PCSK5: variants seen among roughly 807,000 people sequenced by gnomAD.
The protein encoded by PCSK5 is prohormone convertase 5.
Under a neutral mutation model 233.2 loss-of-function variants are expected in PCSK5, and 129 were observed. The ratio of observed to expected loss-of-function variants is 0.55; its 90% CI spans 0.48 to 0.64. The LOEUF (loss-of-function observed/expected upper bound fraction) is 0.64, where lower values mean the gene tolerates loss of function less well. Ranked by LOEUF, PCSK5 falls within the 30% of genes least tolerant of loss-of-function variation. The pLI, the probability that PCSK5 is intolerant of heterozygous loss-of-function variation, is 0.00. For synonymous variants in PCSK5, 825 were observed against 879.2 expected (o/e 0.94, Z 1.09); for missense variants, 2,076 against 2,430.1 (o/e 0.85, Z 3.06).
intron 16 of PCSK5, 69 bp downstream of exon 16, chr9:76,181,660 G>A (rs1376391735): frequency 3.9e-6 from 4 of 1,015,694 alleles, no homozygotes; most frequent in Non-Finnish European, 5.9e-6. Flanking sequence ...GACCTCAGGA[G>A]GGATAGCCTC....
In PCSK5 at chr9:76,167,497, T is replaced by C. The variant is rs73458352; in HGVS notation, c.1620-2207T>C. Among the ~76,000 whole-genome samples the C allele has an allele frequency of 5.5e-3, 836 of 152,278 alleles. 9 individuals are homozygous for C. The highest frequency in any genetic ancestry group is 0.019 in the African/African-American group (802 of 41,554). On this transcript the variant is annotated intron_variant, in intron 12 of 37. Transcript: ENST00000674117. ...GGGTTCAGGAACATATAGCAGGTGA[T>C]TTTCCTGTTTATTGCTTTTCTCTAG...
chr9:75,991,707 T>C (rs1826774392), intron 3 of PCSK5, among the ~76,000 whole-genome samples: 1 of 152,122 alleles, frequency 6.6e-6, no homozygotes, highest in South Asian at 2.1e-4. Flanking sequence ...GTAATAGAAT[T>C]GGTTTTAAGG....
chr9:75,981,920 C>A (rs976866186), intron 2 of PCSK5, among the ~76,000 whole-genome samples: 2 of 152,064 alleles, frequency 1.3e-5, no homozygotes, highest in African/African-American at 4.8e-5. Flanking sequence ...GTAACATATT[C>A]CCATGGATCA....
intron 2 of PCSK5, among the ~76,000 whole-genome samples, chr9:75,981,376 G>A (rs1298134663): frequency 3.3e-5 from 5 of 152,148 alleles, no homozygotes; most frequent in Admixed American, 1.3e-4. Flanking sequence ...TAGGTGACTG[G>A]TAGCTAATCT....
chr9:76,263,204 G>C (rs925851344), intron 24 of PCSK5, among the ~76,000 whole-genome samples: 1 of 152,154 alleles, frequency 6.6e-6, no homozygotes, highest in African/African-American at 2.4e-5. Context: ...TTCAACCATT[G>C]TGGAAGTCAG....
intron 10 of PCSK5, among the ~76,000 whole-genome samples, chr9:76,146,087 G>T (rs765268193): frequency 6.6e-6 from 1 of 150,736 alleles, no homozygotes; most frequent in Non-Finnish European, 1.5e-5. Context: ...CTCACATCTT[G>T]CTAGCCTTTG....
At chr9:76,224,372 G>C (rs1259320514) in intron 20 of PCSK5, among the ~76,000 whole-genome samples, 1 of 151,844 alleles carries the variant, frequency 6.6e-6, no homozygotes, top group Non-Finnish European at 1.5e-5. Flanking sequence ...GGAGACAGAA[G>C]ATAAGTAAAA....
chr9:76,311,112 A>T (rs1404716403), intron 30 of PCSK5, among the ~76,000 whole-genome samples: 1 of 152,200 alleles, frequency 6.6e-6, no homozygotes, highest in Non-Finnish European at 1.5e-5. Context: ...GTGGTGGCTC[A>T]CACCTGTAAT....
At chr9:76,118,215 G>A (rs754000131) in intron 9 of PCSK5, among the ~76,000 whole-genome samples, 2 of 152,102 alleles carry the variant, frequency 1.3e-5, no homozygotes, top group Admixed American at 1.3e-4. Flanking sequence ...CATCTGGCCT[G>A]TAGAGATGCT....
rs548496102 is a variant in PCSK5 at position 76,257,848 on chromosome 9, C to T, written c.3142+17164C>T. Among the ~76,000 whole-genome samples the T allele has an allele frequency of 2.0e-5, 3 of 152,278 alleles. 1 individual carries two copies. The highest frequency in any genetic ancestry group is 4.1e-4 in the South Asian group (2 of 4,826). On this transcript the variant is annotated intron_variant, in intron 24 of 37. Transcript: ENST00000674117. ...CTGGGTCAATCAAAACTTTTTTCCTCGCAGCTGTGCCTGTGACTATCTGTA... is the reference window on the plus strand; with the variant it reads ...CTGGGTCAATCAAAACTTTTTTCCTTGCAGCTGTGCCTGTGACTATCTGTA...
intron 7 of PCSK5, among the ~76,000 whole-genome samples, chr9:76,081,138 A>G (rs1587601228): frequency 6.6e-6 from 1 of 152,152 alleles, no homozygotes; most frequent in African/African-American, 2.4e-5. Context: ...ACCACTTATT[A>G]TATGCTCCTT....
At chr9:76,212,460 G>T (rs1825367071) in intron 20 of PCSK5, among the ~76,000 whole-genome samples, 2 of 152,196 alleles carry the variant, frequency 1.3e-5, no homozygotes, top group Admixed American at 1.3e-4. Flanking sequence ...TGAAAATACT[G>T]CCACTGACAA....
chr9:76,096,419 G>A (rs532504854), intron 8 of PCSK5, among the ~76,000 whole-genome samples: 30 of 152,078 alleles, frequency 2.0e-4, no homozygotes, highest in African/African-American at 7.2e-4. Context: ...TGGAATCTAC[G>A]CCTGACTCAG....
intron 24 of PCSK5, among the ~76,000 whole-genome samples, chr9:76,252,532 G>A (rs541861774): frequency 2.4e-4 from 36 of 152,236 alleles, no homozygotes; most frequent in African/African-American, 7.9e-4. Flanking sequence ...AGCACACAGG[G>A]GAGAGCTCTA....
At chr9:75,992,810 C>T (rs1290377956) in intron 3 of PCSK5, among the ~76,000 whole-genome samples, 3 of 152,040 alleles carry the variant, frequency 2.0e-5, no homozygotes, top group African/African-American at 7.2e-5. Context: ...TGATGCACTA[C>T]CTCGGATTTC....
chr9:76,239,262 A>G (rs1377125058), intron 23 of PCSK5, 97 bp downstream of exon 23: 3 of 985,920 alleles, frequency 3.0e-6, no homozygotes. Context: ...CCTGGCTTGC[A>G]TGTCAGCACT....
In PCSK5 at chr9:76,360,785, GCTTCAATAAAAC is replaced by G. The variant is rs1564202755; in HGVS notation, c.*1867_*1878del. 2.6e-5 allele frequency: 4 copies of G among 152,144 alleles called. No individual in the cohort carries two copies. Among genetic ancestry groups the G allele is most frequent in the Admixed American group, 2.0e-4 (3 of 15,266 alleles). The allele number at this position is 152,144 out of a possible 1,614,324, so 9.4% of individuals were successfully genotyped here. A position where few individuals can be genotyped will look rare whatever the true frequency, so the allele number is the denominator to read the frequency against. On this transcript the variant is annotated 3_prime_UTR_variant, in exon 38 of 38. Coordinates refer to ENST00000674117, the MANE Select transcript of PCSK5 (RefSeq NM_001372043.1). ...GGTACATAACGGATGGGTGAGCTGT[GCTTCAATAAAAC>G]CTTATTTATGGACACTGACATTTGA... is the stretch of plus-strand genomic sequence containing the variant.
At position 76,316,729 on chromosome 9, in the gene PCSK5, C is replaced by T. The variant is rs1209183912; in HGVS notation, c.3885-4693C>T. On this transcript the variant is annotated intron_variant, in intron 30 of 37. Coordinates refer to ENST00000674117, the MANE Select transcript of PCSK5 (RefSeq NM_001372043.1). Reference sequence around the variant, plus strand: ...CTCTAGCCTGGGCAACAGAGCCAGACCTTGTCTCACCAAAAAAAAAAAAAA... The same window carrying T: ...CTCTAGCCTGGGCAACAGAGCCAGATCTTGTCTCACCAAAAAAAAAAAAAA... Among the ~76,000 whole-genome samples the T allele has an allele frequency of 4.0e-5, 5 of 123,460 alleles. No individual in the cohort carries two copies. In the Admixed American group the frequency reaches 4.4e-4, roughly 11 times the overall value. The allele number at this position is 123,460 out of a possible 152,430, so 81.0% of individuals were successfully genotyped here.
chr9:76,332,596 C>G lies in PCSK5; in HGVS notation c.4734C>G (p.Leu1578=). The change falls in exon 34 of 38, where the codon CTC becomes CTG. Residue 1578 remains leucine, a synonymous_variant. Coordinates refer to ENST00000674117, the MANE Select transcript of PCSK5 (RefSeq NM_001372043.1). The stretch of plus-strand genomic sequence containing the variant: ...TCCAGCTAGGAAAAGAGTGCCTGCT[C>G]CAGTGCAGGGAAGGGTAAGTGCTCA... The part of the protein sequence containing the change: ...GWFQLGKECL[L]QCREGYYADN... The G allele has an allele frequency of 3.8e-6, 6 of 1,591,622 alleles. No individual in the cohort carries two copies. Among genetic ancestry groups the G allele is most frequent in the Non-Finnish European group, 4.3e-6 (5 of 1,168,586 alleles).
Sources: gnomAD v4.1 joint callset for allele counts (sites outside exome capture counted in the v4.1 genomes callset) on GRCh38, gnomAD v4.1.1 for gene constraint, MANE v1.5 for transcripts, NCBI Gene and HGNC (gene_info 2026-07-23, HGNC 2026-07-21) for gene names.